IFT140: variants seen among roughly 807,000 people sequenced by gnomAD.
IFT140 encodes the protein intraflagellar transport 140, also known as intraflagellar transport protein 140 homolog.
In IFT140, 133 loss-of-function variants were observed where a neutral mutation model predicts 164.6. The ratio of observed to expected loss-of-function variants is 0.81; its 90% CI spans 0.70 to 0.93. The LOEUF (loss-of-function observed/expected upper bound fraction) is 0.93, where lower values mean the gene tolerates loss of function less well. Among genes scored for constraint, IFT140 ranks in the 40% least tolerant of loss-of-function variants. The pLI, the probability that IFT140 is intolerant of heterozygous loss-of-function variation, is 0.00. For synonymous variants in IFT140, 860 were observed against 817.3 expected (o/e 1.05, Z -0.89); for missense variants, 2,045 against 1,972.3 (o/e 1.04, Z -0.70).
intron 19 of IFT140, among the ~76,000 whole-genome samples, chr16:1,536,731 G>A (rs1161856816): frequency 6.6e-6 from 1 of 152,196 alleles, no homozygotes; most frequent in Non-Finnish European, 1.5e-5. Flanking sequence ...CCGTGCTGGT[G>A]TCTTCCTCCT....
At chr16:1,527,678 C>T (rs1035962077) in intron 19 of IFT140, among the ~76,000 whole-genome samples, 4 of 152,184 alleles carry the variant, frequency 2.6e-5, no homozygotes, top group Non-Finnish European at 4.4e-5. Flanking sequence ...TTCAAGTGAT[C>T]CTCCCACCTC....
intron 19 of IFT140, among the ~76,000 whole-genome samples, chr16:1,552,648 CTT>C (rs11409894): frequency 1.8e-4 from 23 of 127,516 alleles, no homozygotes; most frequent in Admixed American, 2.5e-4. Context: ...AAAGAGAATG[CTT>C]TTTTTTTTTT....
At chr16:1,592,909 A>G (rs868211209) in intron 4 of IFT140, among the ~76,000 whole-genome samples, 14 of 150,876 alleles carry the variant, frequency 9.3e-5, no homozygotes, top group South Asian at 2.1e-4. Context: ...GTGCCCTGGC[A>G]GAGTGACTGG....
chr16:1,544,940 A>C (rs528697478), intron 19 of IFT140, among the ~76,000 whole-genome samples: 1 of 152,268 alleles, frequency 6.6e-6, no homozygotes, highest in East Asian at 1.9e-4. Flanking sequence ...GAGCCACGGC[A>C]CCCGGCCCAG....
At chr16:1,515,902 A>G (rs2040321097) in intron 30 of IFT140, among the ~76,000 whole-genome samples, 1 of 152,166 alleles carries the variant, frequency 6.6e-6, no homozygotes, top group African/African-American at 2.4e-5. Flanking sequence ...ACGCTTTGGG[A>G]GGCCGAGGCA....
At chr16:1,562,321 C>T (rs191563023) in intron 17 of IFT140, among the ~76,000 whole-genome samples, 310 of 152,166 alleles carry the variant, frequency 2.0e-3, no homozygotes, top group Non-Finnish European at 3.3e-3. Flanking sequence ...ACTGGAAGGA[C>T]GCACCTCGTC....
rs572368828 is a variant in IFT140, at chr16:1,525,383, C to T, written c.2769-57G>A. 2.7e-3 allele frequency: 3,833 copies of T among 1,398,988 alleles called. 13 individuals are homozygous for T. The highest frequency in any genetic ancestry group is 3.6e-3 in the Non-Finnish European group (3,545 of 994,868). 86.7% of individuals were successfully genotyped at this position (1,398,988 alleles called of 1,614,324 possible). A position where few individuals can be genotyped will look rare whatever the true frequency, so the allele number is the denominator to read the frequency against. ...CCTCCCATCCCAGCCCCACGGGAAC[C>T]GGGTGGGCTGAGGGGCAGCGTCGGT... On this transcript the variant is annotated intron_variant, in intron 21 of 30. Coordinates refer to ENST00000426508, the MANE Select transcript of IFT140 (RefSeq NM_014714.4).
intron 19 of IFT140, among the ~76,000 whole-genome samples, chr16:1,536,633 CAG>C (rs1394222951): frequency 6.6e-6 from 1 of 152,176 alleles, no homozygotes; most frequent in Non-Finnish European, 1.5e-5. Flanking sequence ...TATTTTAAGA[CAG>C]AGTCTTGCTC....
intron 8 of IFT140, 42 bp downstream of exon 8, chr16:1,587,891 A>G (rs1320596312): frequency 2.0e-6 from 3 of 1,486,030 alleles, no homozygotes; most frequent in Non-Finnish European, 1.8e-6. Flanking sequence ...CCTGTTCCTC[A>G]GGGAACTCTC....
intron 19 of IFT140, among the ~76,000 whole-genome samples, chr16:1,542,803 C>T (rs1256942477): frequency 6.6e-6 from 1 of 152,260 alleles, no homozygotes; most frequent in Admixed American, 6.5e-5. Flanking sequence ...GGAGGAGGCC[C>T]GGCCTTGCAG....
Position 1,571,384 on chromosome 16 carries a change from T to A in IFT140, c.1652+23A>T, listed in dbSNP as rs765090724. 2.5e-6 allele frequency: 4 copies of A among 1,607,818 alleles called. No individual in the cohort carries two copies. The South Asian group carries it at 4.5e-5, about 18-fold the overall frequency. ...TGACTGACTAAAAAAATGTTCACACTTCTATTTGGAAAAAAAATTTACCTT... is the reference window on the plus strand; with the variant it reads ...TGACTGACTAAAAAAATGTTCACACATCTATTTGGAAAAAAAATTTACCTT... On this transcript the variant is annotated intron_variant, in intron 14 of 30. Transcript: ENST00000426508.
At chr16:1,517,454 G>A (rs2040398322) in intron 30 of IFT140, among the ~76,000 whole-genome samples, 1 of 107,204 alleles carries the variant, frequency 9.3e-6, no homozygotes, top group Non-Finnish European at 1.8e-5. Flanking sequence ...AAGCACATGA[G>A]AAGGAGCTGC....
chr16:1,597,834 C>G (rs1235507925), intron 4 of IFT140, among the ~76,000 whole-genome samples: 1 of 152,150 alleles, frequency 6.6e-6, no homozygotes, highest in Admixed American at 6.5e-5. Context: ...GTTGCCCAGG[C>G]TAGACTCAAA....
chr16:1,563,183 C>A (rs944464801), intron 17 of IFT140, among the ~76,000 whole-genome samples: 3 of 152,094 alleles, frequency 2.0e-5, no homozygotes, highest in Non-Finnish European at 4.4e-5. Context: ...AGTGTCTTCC[C>A]CTCCCTGCTC....
intron 3 of IFT140, among the ~76,000 whole-genome samples, chr16:1,605,801 T>C (rs1023142439): frequency 8.5e-5 from 13 of 152,092 alleles, no homozygotes; most frequent in African/African-American, 2.9e-4. Context: ...GGGGGTGAAT[T>C]GTGTCCCCAC....
chr16:1,584,950 T>C (rs1226828974), intron 10 of IFT140, among the ~76,000 whole-genome samples: 4 of 152,166 alleles, frequency 2.6e-5, no homozygotes, highest in Admixed American at 6.6e-5. Flanking sequence ...AGGGCTCAGA[T>C]GTTGGACTTA....
At chr16:1,538,677 A>G (rs1796910931) in intron 19 of IFT140, among the ~76,000 whole-genome samples, 1 of 152,230 alleles carries the variant, frequency 6.6e-6, no homozygotes, top group South Asian at 2.1e-4. Flanking sequence ...AGTCATTGCC[A>G]AGACAGTTAA....
intron 4 of IFT140, among the ~76,000 whole-genome samples, chr16:1,600,605 T>G (rs916087527): frequency 1.3e-5 from 2 of 152,110 alleles, no homozygotes; most frequent in African/African-American, 4.8e-5. Flanking sequence ...AACATTCATA[T>G]AAAGAAGAGC....
At chr16:1,603,573 C>T (rs529595441) in intron 3 of IFT140, among the ~76,000 whole-genome samples, 19 of 152,170 alleles carry the variant, frequency 1.2e-4, no homozygotes, top group African/African-American at 4.1e-4. Flanking sequence ...CAACCTCCGC[C>T]TCCAAGGTTC....
Sources: allele counts gnomAD v4.1 joint callset (sites outside exome capture counted in the v4.1 genomes callset), GRCh38; gene constraint gnomAD v4.1.1; transcripts MANE v1.5; gene names NCBI Gene and HGNC (gene_info 2026-07-23, HGNC 2026-07-21).